IFTAP: variants seen among roughly 807,000 people sequenced by gnomAD.
The protein encoded by IFTAP is intraflagellar transport associated protein, also known as intraflagellar transport-associated protein.
Under a neutral mutation model 19.4 loss-of-function variants are expected in IFTAP, and 19 were observed. That is an observed-to-expected ratio of 0.98 (90% CI 0.68 to 1.44). The LOEUF is 1.44. IFTAP is among the 40% of genes most tolerant of loss of function. The probability of loss-of-function intolerance (pLI) is 0.00; values close to 1 mark genes in which losing one functional copy is unlikely to be tolerated. For synonymous variants in IFTAP, 85 were observed against 83.5 expected, an observed-to-expected ratio of 1.02 and a Z score of -0.10; for missense variants, 240 against 253.6, an observed-to-expected ratio of 0.95 and a Z score of 0.36.
chr11:36,614,802 G>T (rs975664671), intron 2 of IFTAP, among the ~76,000 whole-genome samples: 3 of 149,406 alleles, frequency 2.0e-5, no homozygotes, highest in African/African-American at 7.5e-5. Flanking sequence ...TGAGTTCATT[G>T]TAGATTCTGG....
intron 2 of IFTAP, among the ~76,000 whole-genome samples, chr11:36,624,651 T>C (rs569958639): frequency 1.5e-4 from 23 of 152,228 alleles, no homozygotes; most frequent in Non-Finnish European, 3.1e-4. Flanking sequence ...TTCCTTGATA[T>C]GGTAGCTGAA....
chr11:36,648,089 C>T lies in IFTAP; in HGVS notation c.432C>T (p.Ala144=), dbSNP rs570540394. 2.9e-5 allele frequency: 47 copies of T among 1,613,244 alleles called. No individual in the cohort carries two copies. In the South Asian group the frequency reaches 5.1e-4, roughly 17 times the overall value. The change falls in exon 5 of 6, where the codon GCC becomes GCT. Residue 144 remains alanine, a synonymous_variant. Coordinates refer to ENST00000334307, the MANE Select transcript of IFTAP (RefSeq NM_138787.4). ...TTCCTTCCTGTATCCCTTTTGTGGC[C>T]CAGCCTCCTACCTGTGAAGTGAAGC... The part of the protein sequence containing the change: ...TSIPSCIPFV[A]QPPTCEVKPK...
At chr11:36,649,622 A>T (rs774253067) in intron 5 of IFTAP, among the ~76,000 whole-genome samples, 28 of 152,144 alleles carry the variant, frequency 1.8e-4, no homozygotes, top group Non-Finnish European at 3.1e-4. Context: ...GGGTTAAAAA[A>T]ACTGAATGAT....
At chr11:36,620,701 A>G (rs1752200812) in intron 2 of IFTAP, among the ~76,000 whole-genome samples, 2 of 152,050 alleles carry the variant, frequency 1.3e-5, no homozygotes, top group Admixed American at 1.3e-4. Context: ...ATTTTGAATT[A>G]TAATCATTAA....
intron 2 of IFTAP, among the ~76,000 whole-genome samples, chr11:36,611,867 G>A (rs1386809692): frequency 3.3e-5 from 5 of 152,008 alleles, no homozygotes; most frequent in Non-Finnish European, 5.9e-5. Flanking sequence ...TGCTTTGTTC[G>A]AGACTAATGA....
intron 4 of IFTAP, among the ~76,000 whole-genome samples, chr11:36,636,811 C>T (rs1590223114): frequency 6.6e-6 from 1 of 152,100 alleles, no homozygotes; most frequent in Non-Finnish European, 1.5e-5. Flanking sequence ...TCATGCTAGT[C>T]TGTTGATGTT....
intron 3 of IFTAP, among the ~76,000 whole-genome samples, chr11:36,635,324 G>A (rs1429229692): frequency 6.6e-6 from 1 of 152,134 alleles, no homozygotes; most frequent in Non-Finnish European, 1.5e-5. Context: ...ATATTCACTT[G>A]AGATGAATTA....
intron 5 of IFTAP, 126 bp from the exon 6 acceptor site, chr11:36,658,893 A>T: frequency 1.6e-6 from 1 of 632,016 alleles, no homozygotes; most frequent in Non-Finnish European, 2.5e-6. Context: ...AAAACAGCTT[A>T]ATCAGCTGAG....
chr11:36,626,768 T>C (rs1479655503), intron 2 of IFTAP, among the ~76,000 whole-genome samples: 2 of 151,304 alleles, frequency 1.3e-5, no homozygotes, highest in Admixed American at 6.6e-5. Context: ...TAGAGAATTA[T>C]AGCCTCAATG....
intron 2 of IFTAP, among the ~76,000 whole-genome samples, chr11:36,620,185 A>G (rs1370883561): frequency 6.6e-6 from 1 of 152,070 alleles, no homozygotes; most frequent in Non-Finnish European, 1.5e-5. Context: ...TATTGAACAT[A>G]AATTCAGTAA....
At chr11:36,606,428 C>T (rs961857955) in intron 1 of IFTAP, among the ~76,000 whole-genome samples, 16 of 151,780 alleles carry the variant, frequency 1.1e-4, no homozygotes, top group Non-Finnish European at 1.8e-4. Context: ...GCATCAAGAG[C>T]GATACTCTGT....
chr11:36,614,139 A>C (rs867540439), intron 2 of IFTAP, among the ~76,000 whole-genome samples: 1 of 148,916 alleles, frequency 6.7e-6, no homozygotes, highest in Middle Eastern at 3.4e-3. Flanking sequence ...TCATTGTTCA[A>C]TTCCCACCTA....
intron 4 of IFTAP, among the ~76,000 whole-genome samples, chr11:36,636,566 G>A (rs1363221421): frequency 6.6e-6 from 1 of 152,202 alleles, no homozygotes; most frequent in Non-Finnish European, 1.5e-5. Flanking sequence ...GCTGAACCAA[G>A]TTTCAGTGGA....
rs1590202443 is a variant in IFTAP at position 36,610,005 on chromosome 11, A to G, written c.-23-76A>G. ...TGTTTTGGAGCCTTGGAATTTTTCA[A>G]CCTACCCATCCAGAATATTTTCAAA... On this transcript the variant is annotated intron_variant, in intron 1 of 5. Coordinates refer to ENST00000334307, the MANE Select transcript of IFTAP (RefSeq NM_138787.4). 34 of 1,347,432 alleles carry G rather than the reference A, an allele frequency of 2.5e-5. No individual in the cohort carries two copies. In the South Asian group the frequency reaches 4.4e-4, roughly 18 times the overall value. The allele number at this position is 1,347,432 out of a possible 1,614,324, so 83.5% of individuals were successfully genotyped here. A position where few individuals can be genotyped will look rare whatever the true frequency, so the allele number is the denominator to read the frequency against.
chr11:36,608,246 G>A (rs1217351231), intron 1 of IFTAP, among the ~76,000 whole-genome samples: 1 of 152,152 alleles, frequency 6.6e-6, no homozygotes, highest in Non-Finnish European at 1.5e-5. Context: ...TCTGATGGTT[G>A]GGAACTGGCA....
chr11:36,616,718 G>T (rs905142080), intron 2 of IFTAP, among the ~76,000 whole-genome samples: 5 of 151,904 alleles, frequency 3.3e-5, no homozygotes, highest in African/African-American at 1.2e-4. Flanking sequence ...CATGAATGGT[G>T]TAGTAACCGT....
intron 2 of IFTAP, among the ~76,000 whole-genome samples, chr11:36,618,202 T>TAGA (rs1852164034): frequency 6.6e-6 from 1 of 151,958 alleles, no homozygotes; most frequent in Non-Finnish European, 1.5e-5. Context: ...GATAAGGCCT[T>TAGA]TAAAGAGATA....
chr11:36,644,963 C>T (rs1042491050), intron 4 of IFTAP, among the ~76,000 whole-genome samples: 9 of 151,498 alleles, frequency 5.9e-5, no homozygotes, highest in South Asian at 4.2e-4. Flanking sequence ...CAAACCTGCA[C>T]GTTGTGCACA....
intron 1 of IFTAP, among the ~76,000 whole-genome samples, chr11:36,608,241 T>C (rs1851762625): frequency 6.6e-6 from 1 of 152,238 alleles, no homozygotes; most frequent in Non-Finnish European, 1.5e-5. Context: ...TTACCTCTGA[T>C]GGTTGGGAAC....
Sources: allele counts gnomAD v4.1 joint callset (sites outside exome capture counted in the v4.1 genomes callset), GRCh38; gene constraint gnomAD v4.1.1; transcripts MANE v1.5; gene names NCBI Gene and HGNC (gene_info 2026-07-23, HGNC 2026-07-21).